Variants in BMP2K observed in about 807,000 individuals in gnomAD.
The protein encoded by BMP2K is BMP-2-inducible protein kinase.
Under a neutral mutation model 116.0 loss-of-function variants are expected in BMP2K, and 74 were observed. The observed-to-expected ratio is 0.64, with a 90% CI of 0.53 to 0.77. The LOEUF (loss-of-function observed/expected upper bound fraction) is 0.77. Among genes scored for constraint, BMP2K ranks in the 30% least tolerant of loss-of-function variants. The pLI is 0.00. For missense variants in BMP2K, 1,365 were observed against 1,403.6 expected (o/e 0.97, Z 0.44); for synonymous variants, 486 against 502.5 (o/e 0.97, Z 0.44).
At chr4:78,852,885 T>G (rs913343391) in intron 7 of BMP2K, among the ~76,000 whole-genome samples, 1 of 152,204 alleles carries the variant, frequency 6.6e-6, no homozygotes, top group Non-Finnish European at 1.5e-5. Flanking sequence ...ATTACAGACA[T>G]GAACCACCAT....
intron 1 of BMP2K, among the ~76,000 whole-genome samples, chr4:78,808,211 CT>C (rs1728915183): frequency 6.8e-6 from 1 of 147,832 alleles, no homozygotes; most frequent in Admixed American, 6.8e-5. Flanking sequence ...CCTGCCACCA[CT>C]TTTTCTAGTT....
intron 11 of BMP2K, among the ~76,000 whole-genome samples, chr4:78,871,584 G>A (rs1732358805): frequency 6.6e-6 from 1 of 152,108 alleles, no homozygotes; most frequent in South Asian, 2.1e-4. Context: ...TCTAGGAAAA[G>A]GTAGTAAATG....
chr4:78,864,535 A>G (rs1182563383), intron 9 of BMP2K, among the ~76,000 whole-genome samples: 1 of 150,618 alleles, frequency 6.6e-6, no homozygotes, highest in East Asian at 1.9e-4. Flanking sequence ...ATATAATTCT[A>G]AGATCTTTTG....
intron 1 of BMP2K, among the ~76,000 whole-genome samples, chr4:78,804,166 GTCTC>G (rs1006831694): frequency 2.0e-5 from 3 of 151,962 alleles, no homozygotes; most frequent in African/African-American, 7.3e-5. Flanking sequence ...TCTATTTTCT[GTCTC>G]TATGGATTTG....
chr4:78,828,727 T>G (rs1730003732), intron 2 of BMP2K, among the ~76,000 whole-genome samples: 3 of 152,200 alleles, frequency 2.0e-5, no homozygotes, highest in South Asian at 2.1e-4. Context: ...GTCTATAAAA[T>G]GTACAATAGC....
chr4:78,912,164 A>C lies in BMP2K; in HGVS notation c.*131A>C. 1.3e-6 allele frequency: 1 copy of C among 791,022 alleles called. No individual in the cohort carries two copies. The highest frequency in any genetic ancestry group is 2.0e-6 in the Non-Finnish European group (1 of 489,936). The allele number at this position is 791,022 out of a possible 1,614,324, so 49.0% of individuals were successfully genotyped here. A position where few individuals can be genotyped will look rare whatever the true frequency, so the allele number is the denominator to read the frequency against. On this transcript the variant is annotated 3_prime_UTR_variant, in exon 16 of 16. Transcript: ENST00000502613. Reference sequence around the variant, plus strand: ...AGATCAGTCAGAATAGGTGATTTCTAAATAAACCAAATAGAAGAATGAAGT... The same window carrying C: ...AGATCAGTCAGAATAGGTGATTTCTCAATAAACCAAATAGAAGAATGAAGT...
At chr4:78,802,121 T>G (rs1231208482) in intron 1 of BMP2K, among the ~76,000 whole-genome samples, 6 of 152,238 alleles carry the variant, frequency 3.9e-5, no homozygotes, top group African/African-American at 1.2e-4. Context: ...GTTATTTTCT[T>G]TTAGCATTTG....
chr4:78,865,137 C>G (rs1297298249), intron 9 of BMP2K, among the ~76,000 whole-genome samples: 1 of 152,058 alleles, frequency 6.6e-6, no homozygotes, highest in Non-Finnish European at 1.5e-5. Context: ...TTTTTTTATG[C>G]CTTGGAGTCC....
At chr4:78,860,053 A>C (rs1387445730) in intron 8 of BMP2K, 1 of 515,202 alleles carries the variant, frequency 1.9e-6, no homozygotes, top group Non-Finnish European at 3.8e-6. Flanking sequence ...GTAAACAATT[A>C]CTGAGACACG....
intron 5 of BMP2K, among the ~76,000 whole-genome samples, 161 bp from the exon 6 acceptor site, chr4:78,847,027 G>A (rs1166072286): frequency 1.3e-5 from 2 of 151,300 alleles, no homozygotes; most frequent in Non-Finnish European, 3.0e-5. Flanking sequence ...TTTAATCCTT[G>A]ACGGGTTTTT....
At chr4:78,858,530 C>A (rs1205704861) in intron 7 of BMP2K, among the ~76,000 whole-genome samples, 1 of 151,878 alleles carries the variant, frequency 6.6e-6, no homozygotes, top group African/African-American at 2.4e-5. Context: ...TAAATTATAA[C>A]TTTCCACATA....
chr4:78,825,217 A>C (rs979466280), intron 1 of BMP2K, among the ~76,000 whole-genome samples: 2 of 152,120 alleles, frequency 1.3e-5, no homozygotes, highest in South Asian at 2.1e-4. Flanking sequence ...AAACAAAAAC[A>C]AAAAAACCCA....
intron 14 of BMP2K, among the ~76,000 whole-genome samples, chr4:78,886,236 G>A (rs1336554581): frequency 6.6e-6 from 1 of 151,872 alleles, no homozygotes; most frequent in East Asian, 1.9e-4. Context: ...AAACACACCG[G>A]GCCTCTTGCC....
At chr4:78,849,836 C>G (rs1205468700) in intron 6 of BMP2K, among the ~76,000 whole-genome samples, 2 of 151,554 alleles carry the variant, frequency 1.3e-5, no homozygotes, top group African/African-American at 4.8e-5. Context: ...ATATTGAAAG[C>G]AATCTTTTGT....
chr4:78,821,168 T>C (rs1988093991), intron 1 of BMP2K, among the ~76,000 whole-genome samples: 1 of 152,188 alleles, frequency 6.6e-6, no homozygotes, highest in Non-Finnish European at 1.5e-5. Context: ...TACTATCTTG[T>C]CATCTTAAAG....
intron 1 of BMP2K, among the ~76,000 whole-genome samples, chr4:78,815,243 C>G (rs1023974043): frequency 2.6e-5 from 4 of 152,204 alleles, no homozygotes; most frequent in African/African-American, 7.2e-5. Flanking sequence ...GAAGAACTTG[C>G]TAAAATCCTC....
chr4:78,807,462 T>C (rs892587497), intron 1 of BMP2K, among the ~76,000 whole-genome samples: 3 of 152,272 alleles, frequency 2.0e-5, no homozygotes, highest in Admixed American at 2.0e-4. Flanking sequence ...CCTTCTCTTC[T>C]ATTTTTTTGG....
intron 7 of BMP2K, among the ~76,000 whole-genome samples, chr4:78,856,020 A>G (rs181424988): frequency 9.5e-4 from 144 of 152,220 alleles, no homozygotes; most frequent in African/African-American, 3.2e-3. Context: ...CTGGACACAT[A>G]CATTCCTTAA....
At chr4:78,779,054 G>A (rs1727381916) in intron 1 of BMP2K, among the ~76,000 whole-genome samples, 1 of 152,154 alleles carries the variant, frequency 6.6e-6, no homozygotes, top group South Asian at 2.1e-4. Context: ...AATGACCTCT[G>A]CAGTGTCTTT....
Sources: allele counts gnomAD v4.1 joint callset (sites outside exome capture counted in the v4.1 genomes callset), GRCh38; gene constraint gnomAD v4.1.1; transcripts MANE v1.5; gene names NCBI Gene and HGNC (gene_info 2026-07-23, HGNC 2026-07-21).